Variants in VPS13B observed in about 807,000 individuals in gnomAD.
VPS13B encodes the protein vacuolar protein sorting 13 homolog B, also known as intermembrane lipid transfer protein VPS13B.
A neutral mutation model predicts 426.4 loss-of-function variants in VPS13B; 285 were observed. That is an observed-to-expected ratio of 0.67 (90% CI 0.61 to 0.74). VPS13B has a LOEUF of 0.74. VPS13B is among the 30% of genes least tolerant of loss of function. The pLI, the probability that VPS13B is intolerant of heterozygous loss-of-function variation, is 0.00. For synonymous variants in VPS13B, 1,676 were observed against 1,676.4 expected, an observed-to-expected ratio of 1.00 and a Z score of 0.01; for missense variants, 4,537 against 4,782.6, an observed-to-expected ratio of 0.95 and a Z score of 1.51.
chr8:99,069,114 T>A (rs1563519680), intron 3 of VPS13B, among the ~76,000 whole-genome samples: 2 of 152,196 alleles, frequency 1.3e-5, no homozygotes, highest in Non-Finnish European at 1.5e-5. Flanking sequence ...GATAACATAA[T>A]ACCTACATAA....
chr8:99,290,173 G>A (rs574535228), intron 19 of VPS13B, among the ~76,000 whole-genome samples: 1 of 151,994 alleles, frequency 6.6e-6, no homozygotes, highest in Non-Finnish European at 1.5e-5. Context: ...GTAGTTCATT[G>A]ATGGAGACGT....
chr8:99,800,021 G>T (rs1813041742), intron 43 of VPS13B, among the ~76,000 whole-genome samples: 2 of 152,192 alleles, frequency 1.3e-5, no homozygotes, highest in African/African-American at 4.8e-5. Flanking sequence ...TCCCACTGAA[G>T]AATTGGGTCT....
At chr8:99,296,523 AT>A (rs1820051540) in intron 19 of VPS13B, among the ~76,000 whole-genome samples, 1 of 152,168 alleles carries the variant, frequency 6.6e-6, no homozygotes. Flanking sequence ...GTATAGTTAA[AT>A]CTTTCTTTAC....
chr8:99,442,588 C>T lies in VPS13B; in HGVS notation c.3398C>T (p.Pro1133Leu). The T allele has an allele frequency of 1.2e-6, 2 of 1,613,964 alleles. No homozygotes were observed. The highest frequency in any genetic ancestry group is 1.3e-5 in the African/African-American group (1 of 75,036). The change falls in exon 23 of 62, where the codon CCT becomes CTT. Residue 1133 changes from proline to leucine, a missense_variant. By Grantham distance (98) the Pro-to-Leu change is moderately conservative (BLOSUM62 -3). This residue lies in a region of VPS13B where 4,311 missense variants were observed against 4,474.3 expected (regional missense o/e 0.96). Transcript: ENST00000357162. ...AGTGCTGGGCACAAGTATATGGAAC[C>T]TCTGCAGGAGATTCCATTTGTTATC... is the stretch of plus-strand genomic sequence containing the variant. ...IISAGHKYME[P>L]LQEIPFVIPR...
At chr8:99,510,529 G>A (rs1821729153) in intron 28 of VPS13B, among the ~76,000 whole-genome samples, 1 of 152,152 alleles carries the variant, frequency 6.6e-6, no homozygotes, top group African/African-American at 2.4e-5. Context: ...TTGAGACAGA[G>A]CCTCACTTTG....
chr8:99,750,445 C>G (rs1335441514), intron 39 of VPS13B, among the ~76,000 whole-genome samples: 2 of 152,034 alleles, frequency 1.3e-5, no homozygotes, highest in South Asian at 4.1e-4. Context: ...TCTTTGATCT[C>G]CAGTGCCTAA....
intron 22 of VPS13B, among the ~76,000 whole-genome samples, chr8:99,435,020 T>C (rs1275978495): frequency 2.0e-5 from 3 of 152,188 alleles, no homozygotes; most frequent in Non-Finnish European, 4.4e-5. Flanking sequence ...CTAAGTGCCA[T>C]GGTATGGAGT....
At chr8:99,176,876 G>A (rs1812661692) in intron 16 of VPS13B, among the ~76,000 whole-genome samples, 1 of 152,192 alleles carries the variant, frequency 6.6e-6, no homozygotes, top group South Asian at 2.1e-4. Context: ...AATGCCAGCA[G>A]ATGATGGTTT....
chr8:99,094,016 CTT>C (rs2132423879), intron 3 of VPS13B: 1 of 152,186 alleles, frequency 6.6e-6, no homozygotes, highest in Admixed American at 6.5e-5. Flanking sequence ...GTAAAAATAA[CTT>C]GTTCTTTCTT....
At chr8:99,362,407 G>A (rs535857457) in intron 19 of VPS13B, among the ~76,000 whole-genome samples, 1 of 152,216 alleles carries the variant, frequency 6.6e-6, no homozygotes, top group African/African-American at 2.4e-5. Context: ...CTCCCAAAGT[G>A]CTGGGATTAT....
At chr8:99,444,722 T>C (rs1291765030) in intron 23 of VPS13B, among the ~76,000 whole-genome samples, 2 of 152,150 alleles carry the variant, frequency 1.3e-5, no homozygotes, top group African/African-American at 4.8e-5. Context: ...GAGGCTGAAG[T>C]GCAGTGGTGC....
chr8:99,158,706 A>G (rs560224369), intron 15 of VPS13B, among the ~76,000 whole-genome samples: 2 of 152,310 alleles, frequency 1.3e-5, no homozygotes, highest in Non-Finnish European at 2.9e-5. Context: ...TGGTTTACTA[A>G]ACATTTTAAG....
Position 99,274,239 on chromosome 8 carries a change from AT to A in VPS13B, c.2558del (p.Ile853ThrfsTer6). On this transcript the variant is annotated frameshift_variant, in exon 18 of 62. Coordinates refer to ENST00000357162, the MANE Select transcript of VPS13B (RefSeq NM_152564.5). LOFTEE classifies it high-confidence loss of function. ...TCCCCTGCCAACTCTTGAGGGCTCA[AT>A]CCAGAATGTTGAATTGAAGTACTGC... ...KNPLPTLEGSIQNVELKYCST... is the reference protein window; with the variant it reads ...KNPLPTLEGSXQNVELKYCST... The A allele has an allele frequency of 6.2e-7, 1 of 1,614,170 alleles. No homozygotes were observed. Among genetic ancestry groups the A allele is most frequent in the Non-Finnish European group, 8.5e-7 (1 of 1,180,016 alleles).
At chr8:99,066,837 AG>A (rs1320159055) in intron 3 of VPS13B, among the ~76,000 whole-genome samples, 1 of 151,304 alleles carries the variant, frequency 6.6e-6, no homozygotes, top group Non-Finnish European at 1.5e-5. Flanking sequence ...AAGTGGGCAA[AG>A]GACAGACACT....
intron 60 of VPS13B, chr8:99,871,123 A>T: frequency 3.3e-6 from 2 of 602,880 alleles, no homozygotes; most frequent in Non-Finnish European, 5.8e-6. Flanking sequence ...AAGGAAGGTC[A>T]TACATTGGCA....
chr8:99,867,553 T>C (rs1046294893), intron 58 of VPS13B, among the ~76,000 whole-genome samples: 2 of 152,226 alleles, frequency 1.3e-5, no homozygotes, highest in African/African-American at 4.8e-5. Context: ...AGCGAGTATC[T>C]TGGTGGTTAA....
At chr8:99,042,577 T>C (rs1487245262) in intron 3 of VPS13B, among the ~76,000 whole-genome samples, 1 of 152,174 alleles carries the variant, frequency 6.6e-6, no homozygotes, top group Non-Finnish European at 1.5e-5. Context: ...AATTCAGAGA[T>C]AGTTTTCTGT....
intron 34 of VPS13B, among the ~76,000 whole-genome samples, chr8:99,648,190 G>T (rs1396038006): frequency 1.3e-5 from 2 of 152,196 alleles, no homozygotes; most frequent in Non-Finnish European, 2.9e-5. Context: ...AAGACTCTGA[G>T]AAACCAGTAA....
At position 99,710,321 on chromosome 8, in the gene VPS13B, G is replaced by A. The variant is rs150988479; in HGVS notation, c.6455-6850G>A. Reference sequence around the variant, plus strand: ...TTTACTTGTAGGCATTTTGTCCAATGGTGCATTTGTCCCCCTAGGAAGAAG... The same window carrying A: ...TTTACTTGTAGGCATTTTGTCCAATAGTGCATTTGTCCCCCTAGGAAGAAG... On this transcript the variant is annotated intron_variant, in intron 36 of 61. Coordinates refer to ENST00000357162, the MANE Select transcript of VPS13B (RefSeq NM_152564.5). 5.9e-3 allele frequency among the ~76,000 whole-genome samples: 897 copies of A among 152,132 alleles called. 7 individuals carry two copies. The highest frequency in any genetic ancestry group is 0.01 in the Non-Finnish European group (686 of 67,974).
Sources: gnomAD v4.1 joint callset for allele counts (sites outside exome capture counted in the v4.1 genomes callset) on GRCh38, gnomAD v4.1.1 for gene constraint, gnomAD v4.1.1 regional missense constraint, MANE v1.5 for transcripts, NCBI Gene and HGNC (gene_info 2026-07-23, HGNC 2026-07-21) for gene names.